ARHGAP31: variants seen among roughly 807,000 people sequenced by gnomAD.
ARHGAP31 encodes the protein Rho GTPase activating protein 31, also known as rho GTPase-activating protein 31.
In ARHGAP31, 34 loss-of-function variants were observed where a neutral mutation model predicts 113.9. The ratio of observed to expected loss-of-function variants is 0.30; its 90% CI spans 0.23 to 0.40. The LOEUF is 0.40. ARHGAP31 is among the 10% of genes least tolerant of loss of function. The pLI is 1.00. For synonymous variants in ARHGAP31, 650 were observed against 684.8 expected (o/e 0.95, Z 0.79); for missense variants, 1,548 against 1,767.1 (o/e 0.88, Z 2.22).
At chr3:119,370,061 A>G (rs2080284920) in intron 3 of ARHGAP31, among the ~76,000 whole-genome samples, 1 of 152,160 alleles carries the variant, frequency 6.6e-6, no homozygotes, top group African/African-American at 2.4e-5. Flanking sequence ...TAGAGTTGTC[A>G]TTGGTTATGG....
At chr3:119,333,381 T>G (rs1328702807) in intron 1 of ARHGAP31, among the ~76,000 whole-genome samples, 1 of 152,240 alleles carries the variant, frequency 6.6e-6, no homozygotes. Context: ...TATTACTCAC[T>G]GTGTAAAGGA....
chr3:119,362,754 G>A (rs867547792), intron 1 of ARHGAP31, among the ~76,000 whole-genome samples: 3 of 147,628 alleles, frequency 2.0e-5, no homozygotes, highest in African/African-American at 7.5e-5. Flanking sequence ...AGTGACAAGA[G>A]CGAAACTCTG....
At chr3:119,327,907 G>C (rs2079860162) in intron 1 of ARHGAP31, among the ~76,000 whole-genome samples, 1 of 152,190 alleles carries the variant, frequency 6.6e-6, no homozygotes, top group Non-Finnish European at 1.5e-5. Flanking sequence ...TCAGAGGCAG[G>C]AGAAACTGAA....
At position 119,420,499 on chromosome 3, in the gene ARHGAP31, G is replaced by A. The variant is rs529658389; in HGVS notation, c.*4235G>A. 4 of 152,288 alleles carry A rather than the reference G, an allele frequency of 2.6e-5. No homozygotes were observed. Among genetic ancestry groups the A allele is most frequent in the African/African-American group, 7.2e-5 (3 of 41,558 alleles). 9.4% of individuals were successfully genotyped at this position (152,288 alleles called of 1,614,324 possible). ...TAAAATTGGGGGCCACCACAGATTG[G>A]CTGGCTACTGTGTAGATCATTTAGT... On this transcript the variant is annotated 3_prime_UTR_variant, in exon 12 of 12. Coordinates refer to ENST00000264245, the MANE Select transcript of ARHGAP31 (RefSeq NM_020754.4).
chr3:119,374,203 C>T (rs2080328505), intron 3 of ARHGAP31, among the ~76,000 whole-genome samples: 1 of 152,116 alleles, frequency 6.6e-6, no homozygotes, highest in Non-Finnish European at 1.5e-5. Context: ...GTTGATCCCT[C>T]ATGAGTGGCA....
At chr3:119,297,548 G>A (rs989610134) in intron 1 of ARHGAP31, among the ~76,000 whole-genome samples, 1 of 152,250 alleles carries the variant, frequency 6.6e-6, no homozygotes, top group Non-Finnish European at 1.5e-5. Context: ...AGTACAAGGG[G>A]AGAAGACCAA....
intron 1 of ARHGAP31, among the ~76,000 whole-genome samples, chr3:119,324,218 G>T (rs978849818): frequency 6.6e-6 from 1 of 152,096 alleles, no homozygotes; most frequent in Non-Finnish European, 1.5e-5. Context: ...GGACAGTAAA[G>T]GTTCTCAACT....
intron 5 of ARHGAP31, among the ~76,000 whole-genome samples, chr3:119,382,727 T>C (rs1475389063): frequency 1.3e-5 from 2 of 152,200 alleles, no homozygotes; most frequent in Non-Finnish European, 2.9e-5. Context: ...CACAGCTGGC[T>C]ACAACCAGAA....
intron 4 of ARHGAP31, among the ~76,000 whole-genome samples, chr3:119,381,943 G>T (rs565675586): frequency 7.1e-6 from 1 of 140,050 alleles, no homozygotes; most frequent in Non-Finnish European, 1.5e-5. Context: ...CTGAGATCGC[G>T]CCACTGCACT....
intron 1 of ARHGAP31, among the ~76,000 whole-genome samples, chr3:119,360,999 G>T (rs1197718378): frequency 3.3e-5 from 5 of 152,154 alleles, no homozygotes; most frequent in African/African-American, 1.2e-4. Context: ...ATCGACAATA[G>T]AAGCTTTCTT....
chr3:119,338,113 T>C (rs2079974746), intron 1 of ARHGAP31, among the ~76,000 whole-genome samples: 1 of 152,226 alleles, frequency 6.6e-6, no homozygotes, highest in Admixed American at 6.5e-5. Flanking sequence ...TACACTTTTA[T>C]TATTTATCCT....
intron 1 of ARHGAP31, among the ~76,000 whole-genome samples, chr3:119,349,521 A>C (rs2080092197): frequency 6.6e-6 from 1 of 152,154 alleles, no homozygotes; most frequent in Non-Finnish European, 1.5e-5. Context: ...AACTGTGAGG[A>C]GTTTACCTGA....
chr3:119,414,457 A>C lies in ARHGAP31; in HGVS notation c.2528A>C (p.His843Pro). ...LCQGEEATPR[H>P]SDKQNSKNAA... ...CAGGGAGAGGAGGCAACCCCAAGAC[A>C]CAGTGACAAGCAAAATTCAAAGAAT... Residue 843 changes from histidine (H) to proline (P), a missense_variant, in exon 12 of 12, where the codon CAC becomes CCC. Transcript: ENST00000264245. 1 of 1,614,248 alleles carries C rather than the reference A, an allele frequency of 6.2e-7. No homozygotes were observed. The highest frequency in any genetic ancestry group is 1.3e-5 in the African/African-American group (1 of 75,066).
At chr3:119,333,746 C>G (rs1286730122) in intron 1 of ARHGAP31, among the ~76,000 whole-genome samples, 1 of 152,210 alleles carries the variant, frequency 6.6e-6, no homozygotes, top group Non-Finnish European at 1.5e-5. Context: ...CTAGTTCCGA[C>G]TCTCACCGTT....
chr3:119,380,893 C>A lies in ARHGAP31; in HGVS notation c.349-11C>A. ...AGCACTCACCAGGCTGCCTTGTGTT[C>A]TTCTCCACAGGAGGCAGTGTCGCAT... is the stretch of plus-strand genomic sequence containing the variant. On this transcript the variant is annotated splice_polypyrimidine_tract_variant and intron_variant, in intron 3 of 11. Coordinates refer to ENST00000264245, the MANE Select transcript of ARHGAP31 (RefSeq NM_020754.4). 1 of 1,613,746 alleles carries A rather than the reference C, an allele frequency of 6.2e-7. No homozygotes were observed. The highest frequency in any genetic ancestry group is 2.2e-5 in the East Asian group (1 of 44,886).
At chr3:119,378,526 C>A (rs1365019766) in intron 3 of ARHGAP31, among the ~76,000 whole-genome samples, 4 of 152,146 alleles carry the variant, frequency 2.6e-5, no homozygotes, top group African/African-American at 2.4e-5. Flanking sequence ...CTTTATTCCC[C>A]AGACACATTT....
At position 119,391,613 on chromosome 3, in the gene ARHGAP31, C is replaced by T. The variant is rs571214728; in HGVS notation, c.881+630C>T. Among the ~76,000 whole-genome samples, 39 of 143,866 alleles carry T rather than the reference C, an allele frequency of 2.7e-4. 1 individual carries two copies. The highest frequency in any genetic ancestry group is 1.5e-3 in the Admixed American group (22 of 14,516). The allele number at this position is 143,866 out of a possible 152,430, so 94.4% of individuals were successfully genotyped here. A position where few individuals can be genotyped will look rare whatever the true frequency, so the allele number is the denominator to read the frequency against. The stretch of plus-strand genomic sequence containing the variant: ...TACCCCCCCCTCCCCCCCGCCGTCA[C>T]TCATATCCCATAGTAGAAAGAAGCG... On this transcript the variant is annotated intron_variant, in intron 7 of 11. Coordinates refer to ENST00000264245, the MANE Select transcript of ARHGAP31 (RefSeq NM_020754.4).
intron 1 of ARHGAP31, among the ~76,000 whole-genome samples, chr3:119,352,341 C>A (rs1484795169): frequency 6.6e-6 from 1 of 152,214 alleles, no homozygotes; most frequent in Non-Finnish European, 1.5e-5. Flanking sequence ...GGGAGTCCCT[C>A]TTAAGCTCTC....
At chr3:119,380,836 C>G in intron 3 of ARHGAP31, 68 bp from the exon 4 acceptor site, 1 of 1,357,932 alleles carries the variant, frequency 7.4e-7, no homozygotes, top group East Asian at 2.3e-5. Flanking sequence ...TTGAGTGATC[C>G]CAGCACATGC....
Sources: allele counts gnomAD v4.1 joint callset (sites outside exome capture counted in the v4.1 genomes callset), GRCh38; gene constraint gnomAD v4.1.1; transcripts MANE v1.5; gene names NCBI Gene and HGNC (gene_info 2026-07-23, HGNC 2026-07-21).